The following PRTG variants were observed in gnomAD, a reference collection of about 807,000 sequenced individuals.
PRTG encodes protogenin, also known as immunoglobulin superfamily, DCC subclass, member 5.
PRTG carries 67 observed loss-of-function variants against 122.5 expected under a neutral mutation model. The observed-to-expected ratio is 0.55, with a 90% CI of 0.45 to 0.67. PRTG has a LOEUF of 0.67. PRTG is among the 30% of genes least tolerant of loss of function. The probability of loss-of-function intolerance (pLI) is 0.00; values close to 1 mark genes in which losing one functional copy is unlikely to be tolerated. For missense variants in PRTG, 1,435 were observed against 1,415.4 expected (o/e 1.01, Z -0.22); for synonymous variants, 554 against 501.1 (o/e 1.11, Z -1.41).
chr15:55,713,911 A>T (rs1407020533), intron 2 of PRTG, among the ~76,000 whole-genome samples: 1 of 152,176 alleles, frequency 6.6e-6, no homozygotes, highest in African/African-American at 2.4e-5. Flanking sequence ...ATTTGTTTTA[A>T]CTTAATAAAA....
In PRTG at chr15:55,639,625, T is replaced by A; in HGVS notation, c.2324+17A>T. The A allele has an allele frequency of 6.2e-7, 1 of 1,607,516 alleles. No homozygotes were observed. The highest frequency in any genetic ancestry group is 8.5e-7 in the Non-Finnish European group (1 of 1,174,936). ...TGAGGTAAGCAAAGAAAATAACCAT[T>A]AACAGGAGCTACATACGTTTGAAGG... On this transcript the variant is annotated intron_variant, in intron 13 of 19. Transcript: ENST00000389286.
At chr15:55,681,944 CA>C (rs1333246344) in intron 4 of PRTG, among the ~76,000 whole-genome samples, 1 of 151,988 alleles carries the variant, frequency 6.6e-6, no homozygotes, top group Non-Finnish European at 1.5e-5. Flanking sequence ...AATAAAAATA[CA>C]CAAATTTTAA....
chr15:55,683,416 A>G (rs1338405881), intron 3 of PRTG, among the ~76,000 whole-genome samples: 1 of 152,176 alleles, frequency 6.6e-6, no homozygotes, highest in African/African-American at 2.4e-5. Context: ...AGGCAGAGAC[A>G]GGAGTGGGCA....
rs140497034 is a variant in PRTG, at chr15:55,641,184, C to A, written c.2066G>T (p.Arg689Ile). 2.6e-4 allele frequency: 417 copies of A among 1,613,592 alleles called. 4 individuals are homozygous for A. In the East Asian group the frequency reaches 5.2e-3, roughly 20 times the overall value. Residue 689 changes from arginine (R) to isoleucine (I), a missense_variant, in exon 12 of 20, where the codon AGA becomes ATA. Coordinates refer to ENST00000389286, the MANE Select transcript of PRTG (RefSeq NM_173814.6). Reference sequence around the variant, plus strand: ...GTCTATGTTGTTGTAAGCCAGGAGTCTCACATGATATTTTCTTCTGGGGTC... The same window carrying A: ...GTCTATGTTGTTGTAAGCCAGGAGTATCACATGATATTTTCTTCTGGGGTC... ...GLDPRRKYHV[R>I]LLAYNNIDDG...
intron 2 of PRTG, among the ~76,000 whole-genome samples, chr15:55,693,169 C>CTCT (rs1172093056): frequency 6.6e-6 from 1 of 151,986 alleles, no homozygotes; most frequent in East Asian, 1.9e-4. Context: ...TTTTAAAAGA[C>CTCT]TAAGTGGCAG....
rs190020975 is a variant in PRTG, at chr15:55,718,212, A to C, written c.397+22170T>G. 3.9e-5 allele frequency among the ~76,000 whole-genome samples: 6 copies of C among 152,302 alleles called. No individual in the cohort carries two copies. In the East Asian group the frequency reaches 7.7e-4, roughly 20 times the overall value. ...AATAGAAACTCGACAGTGGTTCCAA[A>C]TAGCCAGAAAACGGCACTTTCAATT... On this transcript the variant is annotated intron_variant, in intron 2 of 19. Transcript: ENST00000389286.
intron 15 of PRTG, among the ~76,000 whole-genome samples, chr15:55,631,042 G>C (rs143189623): frequency 6.6e-6 from 1 of 152,128 alleles, no homozygotes; most frequent in African/African-American, 2.4e-5. Context: ...CAGGTCACAC[G>C]GTGTGAGGCA....
At chr15:55,687,849 T>C (rs1018333855) in intron 2 of PRTG, among the ~76,000 whole-genome samples, 1 of 152,228 alleles carries the variant, frequency 6.6e-6, no homozygotes, top group East Asian at 1.9e-4. Context: ...AGGACTTTCA[T>C]CGGTTACCTC....
intron 2 of PRTG, among the ~76,000 whole-genome samples, chr15:55,688,013 C>A (rs2059579675): frequency 6.6e-6 from 1 of 152,160 alleles, no homozygotes; most frequent in African/African-American, 2.4e-5. Context: ...TCTCCCAGCT[C>A]CTTTCCCTCC....
At chr15:55,689,493 G>A (rs2059588399) in intron 2 of PRTG, among the ~76,000 whole-genome samples, 1 of 152,092 alleles carries the variant, frequency 6.6e-6, no homozygotes, top group Non-Finnish European at 1.5e-5. Context: ...AAAAGGGGAG[G>A]GAGTCTGGGG....
At chr15:55,681,411 C>T (rs2059537203) in intron 4 of PRTG, 1 of 152,052 alleles carries the variant, frequency 6.6e-6, no homozygotes, top group African/African-American at 2.4e-5. Context: ...TCTTCTACTA[C>T]ATTTAAACAA....
chr15:55,674,215 G>T (rs1218143344), intron 9 of PRTG, among the ~76,000 whole-genome samples: 2 of 152,160 alleles, frequency 1.3e-5, no homozygotes, highest in African/African-American at 4.8e-5. Context: ...CAAATACAGT[G>T]ACAGGTGGTC....
chr15:55,729,703 C>T (rs1450384879), intron 2 of PRTG, among the ~76,000 whole-genome samples: 1 of 152,154 alleles, frequency 6.6e-6, no homozygotes, highest in African/African-American at 2.4e-5. Flanking sequence ...GAGGCTGTCA[C>T]TATGTCCTGT....
intron 11 of PRTG, among the ~76,000 whole-genome samples, chr15:55,647,925 C>T (rs563017496): frequency 6.6e-6 from 1 of 152,296 alleles, no homozygotes; most frequent in South Asian, 2.1e-4. Flanking sequence ...TGTGTGTTGG[C>T]TTGCGTATAC....
At chr15:55,632,409 CT>C (rs1447856984) in intron 15 of PRTG, among the ~76,000 whole-genome samples, 10 of 152,168 alleles carry the variant, frequency 6.6e-5, no homozygotes, top group African/African-American at 2.4e-4. Flanking sequence ...CTCTTACCTC[CT>C]TACAATCTAC....
intron 4 of PRTG, among the ~76,000 whole-genome samples, chr15:55,681,697 A>C (rs1340129124): frequency 6.6e-6 from 1 of 152,184 alleles, no homozygotes; most frequent in Non-Finnish European, 1.5e-5. Flanking sequence ...TATCATTTTT[A>C]CAAATGCAAA....
chr15:55,689,762 C>A (rs1486020659), intron 2 of PRTG, among the ~76,000 whole-genome samples: 2 of 151,986 alleles, frequency 1.3e-5, no homozygotes, highest in Non-Finnish European at 2.9e-5. Flanking sequence ...CCCGTCTCTA[C>A]TAAAAATACA....
chr15:55,682,258 T>C, intron 4 of PRTG, 106 bp downstream of exon 4: 3 of 968,322 alleles, frequency 3.1e-6, no homozygotes, highest in Non-Finnish European at 2.8e-6. Context: ...ATTATAATAA[T>C]TTAAATGAAA....
In PRTG at chr15:55,740,397, G is replaced by A. The variant is rs1194416251; in HGVS notation, c.382C>T (p.His128Tyr). The A allele has an allele frequency of 4.4e-6, 7 of 1,602,710 alleles. No homozygotes were observed. Among genetic ancestry groups the A allele is most frequent in the Admixed American group, 1.7e-5 (1 of 58,824 alleles). Residue 128 changes from histidine to tyrosine, a missense_variant, in exon 2 of 20, where the codon CAT becomes TAT. Transcript: ENST00000389286. ...AAACACTTACTTGATAAGGCAAGAT[G>A]AGCTTTTTGACTAAGAATGGCTCCA... ...KYGAILSQKA[H>Y]LALSTISAFE...
Sources: allele counts gnomAD v4.1 joint callset (sites outside exome capture counted in the v4.1 genomes callset), GRCh38; gene constraint gnomAD v4.1.1; transcripts MANE v1.5; gene names NCBI Gene and HGNC (gene_info 2026-07-23, HGNC 2026-07-21).